IDS: variants seen among roughly 807,000 people sequenced by gnomAD.
IDS encodes the protein iduronate 2-sulfatase.
IDS carries 1 observed loss-of-function variant against 33.5 expected under a neutral mutation model. The observed-to-expected ratio is 0.03, with a 90% CI of 0.01 to 0.14. IDS has a LOEUF of 0.14. Among genes scored for constraint, IDS ranks in the 10% least tolerant of loss-of-function variants. The pLI, the probability that IDS is intolerant of heterozygous loss-of-function variation, is 1.00. For synonymous variants in IDS, 191 were observed against 184.4 expected (o/e 1.04, Z -0.29); for missense variants, 328 against 448.0 (o/e 0.73, Z 2.42).
Position 149,490,367 on chromosome X carries a change from A to G in IDS, c.953T>C (p.Leu318Ser). 8.3e-7 allele frequency: 1 copy of G among 1,210,707 alleles called. No individual in the cohort carries two copies. The highest frequency in any genetic ancestry group is 1.7e-5 in the African/African-American group (1 of 57,885). ...DTQVGRLLSA[L>S]DDLQLANSTI... ...GCTGTTGGCCAGCTGAAGATCGTCC[A>G]AAGCACTCAAGAGGCGGCCGACCTG... The change falls in exon 7 of 9, where the codon TTG (leucine) becomes TCG (serine). Residue 318 changes from leucine (L) to serine (S), a missense_variant. Coordinates refer to ENST00000340855, the MANE Select transcript of IDS (RefSeq NM_000202.8).
chrX:149,502,123 A>G (rs1557340055), intron 3 of IDS: 1 of 331,108 alleles, frequency 3.0e-6, no homozygotes, highest in Non-Finnish European at 5.9e-6. Context: ...CCCAATGCTA[A>G]CAGAAAAAGG....
intron 8 of IDS, among the ~76,000 whole-genome samples, chrX:149,486,709 C>A (rs1003651239): frequency 9.0e-6 from 1 of 111,268 alleles, no homozygotes; most frequent in Non-Finnish European, 1.9e-5. Context: ...AGGGGCCATA[C>A]TTGTCAATTC....
rs148861469 is a variant in IDS, at chrX:149,490,276, A to G, written c.1006+38T>C. 1.4e-3 allele frequency: 1,647 copies of G among 1,195,864 alleles called. 16 individuals are homozygous for G. In the African/African-American group the frequency reaches 0.025, roughly 18 times the overall value. ...CAAAGCATGTTTCACAGGAAAGTTC[A>G]GATGTTTTGACTCACCAGGGAATTT... On this transcript the variant is annotated intron_variant, in intron 7 of 8. Coordinates refer to ENST00000340855, the MANE Select transcript of IDS (RefSeq NM_000202.8).
chrX:149,490,475 T>C, intron 6 of IDS, 35 bp from the exon 7 acceptor site: 3 of 1,198,968 alleles, frequency 2.5e-6, no homozygotes, highest in Non-Finnish European at 3.4e-6. Flanking sequence ...TGAGAGTGAC[T>C]GCAATTTAAA....
At chrX:149,488,568 C>T (rs376671107) in intron 7 of IDS, among the ~76,000 whole-genome samples, 20 of 107,577 alleles carry the variant, frequency 1.9e-4, no homozygotes, top group African/African-American at 6.1e-4. Context: ...ACGCAGCCTT[C>T]GGCCTCTGCC....
intron 6 of IDS, among the ~76,000 whole-genome samples, chrX:149,494,099 G>A (rs2089416085): frequency 9.0e-6 from 1 of 111,682 alleles, no homozygotes; most frequent in African/African-American, 3.3e-5. Flanking sequence ...GCATCTGAGG[G>A]CCTCCCTGCT....
Position 149,482,772 on chromosome X carries a change from C to G in IDS, c.1627G>C (p.Asp543His). Residue 543 changes from aspartate to histidine, a missense_variant, in exon 9 of 9, where the codon GAT becomes CAT. Asp to His is a moderately conservative substitution (Grantham distance 81, BLOSUM62 -1). Coordinates refer to ENST00000340855, the MANE Select transcript of IDS (RefSeq NM_000202.8). Reference protein sequence around the residue: ...HNMYNDSQGGDLFQLLMP With the variant: ...HNMYNDSQGGHLFQLLMP ...CAAGGCATCAACAACTGGAAAAGAT[C>G]TCCACCTTGGGAATCATTATACATA... The G allele has an allele frequency of 8.3e-7, 1 of 1,211,889 alleles. No individual in the cohort carries two copies. Among genetic ancestry groups the G allele is most frequent in the Middle Eastern group, 2.3e-4 (1 of 4,353 alleles).
At chrX:149,495,197 C>A (rs1457739174) in intron 6 of IDS, among the ~76,000 whole-genome samples, 2 of 112,086 alleles carry the variant, frequency 1.8e-5, no homozygotes, top group African/African-American at 6.5e-5. Context: ...CCAGTTCAAG[C>A]CACTTCACCA....
At chrX:149,488,846 G>A (rs1207276053) in intron 7 of IDS, among the ~76,000 whole-genome samples, 1 of 111,492 alleles carries the variant, frequency 9.0e-6, no homozygotes, top group African/African-American at 3.3e-5. Context: ...GGCAGCTCAG[G>A]AGGTTTCTGG....
intron 8 of IDS, among the ~76,000 whole-genome samples, chrX:149,484,633 G>C (rs2089321568): frequency 8.9e-6 from 1 of 112,504 alleles, no homozygotes; most frequent in Non-Finnish European, 1.9e-5. Context: ...CACAGCTTTT[G>C]TTGTTGTTTT....
chrX:149,495,364 G>A (rs1314407315), intron 6 of IDS: 1 of 113,042 alleles, frequency 8.8e-6, no homozygotes, highest in African/African-American at 3.3e-5. Context: ...AGTTTGGATA[G>A]CAAGGGATAT....
In IDS at chrX:149,479,940, A is replaced by G. The variant is rs1056358640; in HGVS notation, c.*2806T>C. On this transcript the variant is annotated 3_prime_UTR_variant, in exon 9 of 9. Coordinates refer to ENST00000340855, the MANE Select transcript of IDS (RefSeq NM_000202.8). ...TTAGCAATGTTCATTCCATCCCACA[A>G]TAGAGTCTAGAGAGTCACAAAAACC... 12 of 235,026 alleles carry G rather than the reference A, an allele frequency of 5.1e-5. No individual in the cohort carries two copies. The highest frequency in any genetic ancestry group is 7.0e-5 in the Admixed American group (1 of 14,260). 19.4% of individuals were successfully genotyped at this position (235,026 alleles called of 1,213,427 possible). A position where few individuals can be genotyped will look rare whatever the true frequency, so the allele number is the denominator to read the frequency against.
chrX:149,484,130 T>C (rs1284698362), intron 8 of IDS, among the ~76,000 whole-genome samples: 1 of 112,738 alleles, frequency 8.9e-6, no homozygotes, highest in African/African-American at 3.2e-5. Flanking sequence ...CAACCTTTGA[T>C]TGAATACCTG....
At chrX:149,491,615 T>C in intron 6 of IDS, 1 of 1,003,219 alleles carries the variant, frequency 1.0e-6, no homozygotes, top group Non-Finnish European at 1.3e-6. Context: ...GGCCTACTTA[T>C]ACTTTCTGGT....
intron 4 of IDS, 91 bp downstream of exon 4, chrX:149,500,858 C>T (rs1456338339): frequency 1.6e-6 from 1 of 610,528 alleles, no homozygotes. Context: ...TGGTATATAA[C>T]CAGCTTCACA....
intron 5 of IDS, among the ~76,000 whole-genome samples, chrX:149,496,907 T>C (rs1370252067): frequency 1.8e-5 from 2 of 111,946 alleles, no homozygotes; most frequent in Non-Finnish European, 3.8e-5. Context: ...TTAGTCTCAC[T>C]CACAGCTATG....
At chrX:149,484,593 T>G (rs1402717290) in intron 8 of IDS, among the ~76,000 whole-genome samples, 1 of 113,084 alleles carries the variant, frequency 8.8e-6, no homozygotes, top group Non-Finnish European at 1.9e-5. Flanking sequence ...GTGCTGGGAT[T>G]ACTGGCGTGA....
chrX:149,502,201 GAGA>G (rs2089485752), intron 3 of IDS: 3 of 326,414 alleles, frequency 9.2e-6, no homozygotes, highest in Non-Finnish European at 1.8e-5. Flanking sequence ...TTTATTCTCT[GAGA>G]AGGACATGGT....
intron 8 of IDS, among the ~76,000 whole-genome samples, chrX:149,485,401 G>C (rs1323743650): frequency 8.9e-6 from 1 of 112,343 alleles, no homozygotes; most frequent in Non-Finnish European, 1.9e-5. Flanking sequence ...GTGGTACACA[G>C]AGTCTGAATG....
Sources: allele counts gnomAD v4.1 joint callset (sites outside exome capture counted in the v4.1 genomes callset), GRCh38; gene constraint gnomAD v4.1.1; transcripts MANE v1.5; gene names NCBI Gene and HGNC (gene_info 2026-07-23, HGNC 2026-07-21).